ADAMTS19: variants seen among roughly 807,000 people sequenced by gnomAD.
ADAMTS19 encodes the protein A disintegrin and metalloproteinase with thrombospondin motifs 19.
Under a neutral mutation model 153.3 loss-of-function variants are expected in ADAMTS19, and 93 were observed. The ratio of observed to expected loss-of-function variants is 0.61; its 90% CI spans 0.51 to 0.72. The LOEUF (loss-of-function observed/expected upper bound fraction) is 0.72. Ranked by LOEUF, ADAMTS19 falls within the 30% of genes least tolerant of loss-of-function variation. The pLI is 0.00. For synonymous variants in ADAMTS19, 600 were observed against 556.6 expected, an observed-to-expected ratio of 1.08 and a Z score of -1.10; for missense variants, 1,482 against 1,552.1, an observed-to-expected ratio of 0.95 and a Z score of 0.76.
intron 8 of ADAMTS19, among the ~76,000 whole-genome samples, chr5:129,612,281 A>G (rs1342458810): frequency 1.3e-5 from 2 of 151,562 alleles, no homozygotes; most frequent in African/African-American, 4.8e-5. Context: ...AGTTTCATCC[A>G]TGTCCCTACA....
chr5:129,579,951 A>C (rs1403863539), intron 7 of ADAMTS19, among the ~76,000 whole-genome samples: 7 of 152,024 alleles, frequency 4.6e-5, no homozygotes, highest in African/African-American at 1.7e-4. Context: ...AATTCAAAGT[A>C]GTTTTTTCTA....
intron 3 of ADAMTS19, among the ~76,000 whole-genome samples, chr5:129,522,268 C>T (rs1432222268): frequency 7.7e-6 from 1 of 130,242 alleles, no homozygotes; most frequent in Non-Finnish European, 1.6e-5. Flanking sequence ...ATATAAACAA[C>T]ATATGTATGC....
chr5:129,538,352 C>T (rs1010421547), intron 6 of ADAMTS19, among the ~76,000 whole-genome samples: 7 of 152,044 alleles, frequency 4.6e-5, no homozygotes, highest in Admixed American at 4.6e-4. Flanking sequence ...TCATAGTCTA[C>T]ATACAAGTTT....
At chr5:129,698,710 A>G (rs1172411635) in intron 19 of ADAMTS19, among the ~76,000 whole-genome samples, 1 of 152,228 alleles carries the variant, frequency 6.6e-6, no homozygotes, top group Non-Finnish European at 1.5e-5. Context: ...TCTTTTCAGT[A>G]TGGAGAACCC....
At chr5:129,690,218 A>G (rs967025609) in intron 18 of ADAMTS19, among the ~76,000 whole-genome samples, 1 of 152,184 alleles carries the variant, frequency 6.6e-6, no homozygotes, top group African/African-American at 2.4e-5. Context: ...CACCTTACTC[A>G]GTGATAAAGG....
intron 6 of ADAMTS19, among the ~76,000 whole-genome samples, chr5:129,541,413 TC>T (rs916607779): frequency 5.9e-5 from 9 of 151,938 alleles, no homozygotes; most frequent in African/African-American, 2.2e-4. Context: ...CAAATCCCTT[TC>T]CCCCTACATC....
At chr5:129,561,458 A>G (rs965248913) in intron 7 of ADAMTS19, among the ~76,000 whole-genome samples, 2 of 151,668 alleles carry the variant, frequency 1.3e-5, no homozygotes, top group South Asian at 2.1e-4. Flanking sequence ...GAACCCGGGA[A>G]GCGGAGCTTG....
Position 129,622,231 on chromosome 5 carries a change from T to A in ADAMTS19, c.1653T>A (p.Asn551Lys), listed in dbSNP as rs1412999116. The change falls in exon 10 of 23, where the codon AAT becomes AAA. Residue 551 changes from asparagine to lysine, a missense_variant. Around this residue, in one of 2 missense-constraint regions of ADAMTS19, gnomAD observed 866 missense variants for 827.7 expected, o/e 1.05. Transcript: ENST00000274487. ...SKASNCLLQT[N>K]PQSVNSVMVP... ...CCAGTAACTGCTTGCTACAAACAAATCCGCAGAGTGTCAATTCTGTGATGG... is the reference window on the plus strand; with the variant it reads ...CCAGTAACTGCTTGCTACAAACAAAACCGCAGAGTGTCAATTCTGTGATGG... 2 of 1,613,970 alleles carry A rather than the reference T, an allele frequency of 1.2e-6. No individual in the cohort carries two copies. Among genetic ancestry groups the A allele is most frequent in the African/African-American group, 2.7e-5 (2 of 74,914 alleles).
At position 129,506,541 on chromosome 5, in the gene ADAMTS19, C is replaced by T. The variant is rs527485923; in HGVS notation, c.748-2536C>T. Among the ~76,000 whole-genome samples the T allele has an allele frequency of 4.3e-4, 65 of 151,826 alleles. 2 individuals carry two copies. The South Asian group carries it at 0.012, about 28-fold the overall frequency. On this transcript the variant is annotated intron_variant, in intron 2 of 22. Transcript: ENST00000274487. ...TGTTGGTGTCCTGCACCCAGTAACT[C>T]GTCATTTAACAAAAAGTGTCTGTAG...
intron 3 of ADAMTS19, among the ~76,000 whole-genome samples, chr5:129,522,330 CACATATATATATATATATATATATAT>C (rs1173941929): frequency 5.6e-5 from 4 of 70,970 alleles, no homozygotes; most frequent in Non-Finnish European, 1.0e-4. Flanking sequence ...CACACACACA[CACATATATATATATATATATATATAT>C]ATATATATAT....
chr5:129,658,751 A>G lies in ADAMTS19; in HGVS notation c.2425+14A>G, dbSNP rs766741153. 6.3e-7 allele frequency: 1 copy of G among 1,596,038 alleles called. No homozygotes were observed. ...CCAGAGGAGCAGGTAATTTTTCTTT[A>G]TTTTTTCATAAATATTAATCCCTGC... On this transcript the variant is annotated intron_variant, in intron 15 of 22. Coordinates refer to ENST00000274487, the MANE Select transcript of ADAMTS19 (RefSeq NM_133638.6).
At chr5:129,621,489 T>C (rs575034753) in intron 9 of ADAMTS19, among the ~76,000 whole-genome samples, 2 of 152,300 alleles carry the variant, frequency 1.3e-5, no homozygotes, top group African/African-American at 4.8e-5. Context: ...ATCCTTTAAA[T>C]AGTTAAGCCC....
intron 16 of ADAMTS19, among the ~76,000 whole-genome samples, chr5:129,678,684 A>T (rs1180848925): frequency 1.3e-5 from 2 of 152,190 alleles, no homozygotes; most frequent in Non-Finnish European, 2.9e-5. Flanking sequence ...GTTTTTCAAA[A>T]TCTTTAAATG....
chr5:129,608,086 A>ATGTGTGTGTGTGTG (rs1360467704), intron 8 of ADAMTS19, among the ~76,000 whole-genome samples: 1 of 57,236 alleles, frequency 1.7e-5, no homozygotes, highest in Admixed American at 2.4e-4. Flanking sequence ...GGAATTTTAT[A>ATGTGTGTGTGTGTG]TATATGTGTG....
intron 7 of ADAMTS19, among the ~76,000 whole-genome samples, chr5:129,589,725 G>A (rs925113309): frequency 3.3e-5 from 5 of 152,008 alleles, no homozygotes; most frequent in Non-Finnish European, 5.9e-5. Flanking sequence ...TTTTATATCT[G>A]TGGTCTGTCT....
chr5:129,461,577 C>T lies in ADAMTS19; in HGVS notation c.567C>T (p.Asp189=), dbSNP rs766573698. Residue 189 remains aspartate (D), a synonymous_variant, in exon 2 of 23, where the codon GAC becomes GAT. Transcript: ENST00000274487. This position sits in a 1 kb window ranked among gnomAD's most constrained non-coding sequence, Gnocchi z 4.6. ...ACCTGTACCTGCTGCTCCGGAGAGA[C>T]GGCCGCTTCCTGGCGCCGCGCTTCG... The part of the protein sequence containing the change: ...SRDLYLLLRR[D]GRFLAPRFAV... 10 of 1,566,796 alleles carry T rather than the reference C, an allele frequency of 6.4e-6. No homozygotes were observed. The highest frequency in any genetic ancestry group is 3.4e-4 in the Middle Eastern group (2 of 5,940).
intron 19 of ADAMTS19, among the ~76,000 whole-genome samples, chr5:129,695,621 C>T (rs1391328445): frequency 1.3e-5 from 2 of 152,304 alleles, no homozygotes; most frequent in African/African-American, 4.8e-5. Context: ...CAACACAGGG[C>T]TCCAATCTAC....
At chr5:129,673,110 T>C (rs1754386662) in intron 16 of ADAMTS19, among the ~76,000 whole-genome samples, 1 of 152,136 alleles carries the variant, frequency 6.6e-6, no homozygotes, top group Non-Finnish European at 1.5e-5. Flanking sequence ...ATCAGTTATT[T>C]GATCTTTTCA....
chr5:129,496,095 G>A (rs1405823108), intron 2 of ADAMTS19, among the ~76,000 whole-genome samples: 2 of 152,068 alleles, frequency 1.3e-5, no homozygotes, highest in Non-Finnish European at 2.9e-5. Flanking sequence ...TTGGTACAAA[G>A]TACATTGTTC....
Sources: allele counts gnomAD v4.1 joint callset (sites outside exome capture counted in the v4.1 genomes callset), GRCh38; gene constraint gnomAD v4.1.1; regional missense constraint gnomAD v4.1.1; non-coding constraint Gnocchi (gnomAD v3.1); transcripts MANE v1.5; gene names NCBI Gene and HGNC (gene_info 2026-07-23, HGNC 2026-07-21).